ZBTB20: variants seen among roughly 807,000 people sequenced by gnomAD.
ZBTB20 encodes the protein zinc finger and BTB domain-containing protein 20.
ZBTB20 carries 9 observed loss-of-function variants against 56.9 expected under a neutral mutation model. The observed-to-expected ratio is 0.16, with a 90% CI of 0.10 to 0.28. ZBTB20 has a LOEUF of 0.28. ZBTB20 is among the 10% of genes least tolerant of loss of function. The probability of loss-of-function intolerance (pLI) is 1.00; values close to 1 mark genes in which losing one functional copy is unlikely to be tolerated. For missense variants in ZBTB20, 655 were observed against 1,003.0 expected (o/e 0.65, Z 4.69); for synonymous variants, 417 against 420.7 (o/e 0.99, Z 0.11).
chr3:114,331,103 T>TTGTGTGTG lies in ZBTB20; in HGVS notation c.*7901_*7902insCACACACA, dbSNP rs1353969072. 1 of 65,876 alleles carries TTGTGTGTG rather than the reference T, an allele frequency of 1.5e-5. No homozygotes were observed. Among genetic ancestry groups the TTGTGTGTG allele is most frequent in the Non-Finnish European group, 3.5e-5 (1 of 28,978 alleles). The allele number at this position is 65,876 out of a possible 1,614,324, so 4.1% of individuals were successfully genotyped here. On this transcript the variant is annotated 3_prime_UTR_variant, in exon 12 of 12. Coordinates refer to ENST00000675478, the MANE Select transcript of ZBTB20 (RefSeq NM_001348800.3). ...GGAAGCTTTAGTTTGAGAATAAAATTTATGTGTGTGTGTGTGTGTGTGTGT... is the reference window on the plus strand; with the variant it reads ...GGAAGCTTTAGTTTGAGAATAAAATTTGTGTGTGTATGTGTGTGTGTGTGTGTGTGTGT...
chr3:114,941,345 A>T (rs1246544149), intron 3 of ZBTB20, among the ~76,000 whole-genome samples: 1 of 146,582 alleles, frequency 6.8e-6, no homozygotes, highest in Non-Finnish European at 1.5e-5. Flanking sequence ...TAGAGTACAA[A>T]GAAGAGACTG....
chr3:114,426,983 T>C (rs951466343), intron 7 of ZBTB20, among the ~76,000 whole-genome samples: 1 of 152,242 alleles, frequency 6.6e-6, no homozygotes, highest in African/African-American at 2.4e-5. Context: ...TTAATATATA[T>C]AAAGCCATTT....
At chr3:114,726,899 G>T (rs1233716121) in intron 5 of ZBTB20, among the ~76,000 whole-genome samples, 1 of 97,856 alleles carries the variant, frequency 1.0e-5, no homozygotes, top group African/African-American at 4.0e-5. Flanking sequence ...GCAAGAGAGA[G>T]AGACTCCATC....
intron 7 of ZBTB20, among the ~76,000 whole-genome samples, chr3:114,434,644 C>T (rs573128020): frequency 6.6e-6 from 1 of 151,506 alleles, no homozygotes; most frequent in Admixed American, 6.6e-5. Context: ...TGTCTGGATC[C>T]TCAAATAATG....
intron 7 of ZBTB20, among the ~76,000 whole-genome samples, chr3:114,486,220 A>G (rs2042137631): frequency 7.4e-6 from 1 of 134,616 alleles, no homozygotes. Flanking sequence ...CTACATGTCT[A>G]AAACTTTTTT....
intron 1 of ZBTB20, among the ~76,000 whole-genome samples, chr3:115,110,805 A>C (rs547140463): frequency 6.6e-6 from 1 of 152,068 alleles, no homozygotes; most frequent in African/African-American, 2.4e-5. Context: ...CCTGGCCAAC[A>C]TGGTAAAATG....
chr3:114,778,518 A>T (rs1312309861), intron 5 of ZBTB20, among the ~76,000 whole-genome samples: 2 of 152,122 alleles, frequency 1.3e-5, no homozygotes, highest in Non-Finnish European at 2.9e-5. Context: ...CCTGAACTCT[A>T]TGATTCTTCT....
chr3:114,414,852 TAA>T (rs2088362200), intron 7 of ZBTB20, among the ~76,000 whole-genome samples: 2 of 151,452 alleles, frequency 1.3e-5, no homozygotes, highest in South Asian at 4.2e-4. Context: ...TGAGTTTTAT[TAA>T]AAGTCTAGGT....
At chr3:114,892,152 A>G (rs867106423) in intron 4 of ZBTB20, among the ~76,000 whole-genome samples, 4 of 152,198 alleles carry the variant, frequency 2.6e-5, no homozygotes, top group African/African-American at 2.4e-5. Context: ...TTTCCTGCAC[A>G]TAGTAAGTGT....
chr3:115,073,338 T>C (rs2082478853), intron 1 of ZBTB20, among the ~76,000 whole-genome samples: 1 of 152,166 alleles, frequency 6.6e-6, no homozygotes, highest in Non-Finnish European at 1.5e-5. Context: ...GTTAAAAGTG[T>C]TTTAACTTTT....
At chr3:114,956,799 A>G (rs16823416) in intron 3 of ZBTB20, among the ~76,000 whole-genome samples, 6,602 of 152,262 alleles carry the variant, frequency 0.043, 493 homozygotes, top group African/African-American at 0.15. Flanking sequence ...ATACCAAATC[A>G]TTATCGAACA....
At chr3:115,147,006 G>C (rs2085014959) in intron 1 of ZBTB20, among the ~76,000 whole-genome samples, 1 of 149,554 alleles carries the variant, frequency 6.7e-6, no homozygotes, top group African/African-American at 2.4e-5. Flanking sequence ...GGCGGGGCGG[G>C]GCGGGGCGCG....
intron 5 of ZBTB20, among the ~76,000 whole-genome samples, chr3:114,727,670 A>C (rs2065408867): frequency 1.3e-5 from 2 of 152,202 alleles, no homozygotes; most frequent in South Asian, 4.1e-4. Flanking sequence ...TTGATGGCAG[A>C]CAAAAAACAT....
At chr3:114,403,867 A>G (rs1326222318) in intron 7 of ZBTB20, among the ~76,000 whole-genome samples, 1 of 152,116 alleles carries the variant, frequency 6.6e-6, no homozygotes. Context: ...CCACGTTTGT[A>G]ATCTGTTGTG....
chr3:114,378,038 T>A (rs1395668552), intron 10 of ZBTB20, among the ~76,000 whole-genome samples: 1 of 152,206 alleles, frequency 6.6e-6, no homozygotes, highest in South Asian at 2.1e-4. Flanking sequence ...GAACTGAATA[T>A]TTTACCTTAA....
intron 2 of ZBTB20, among the ~76,000 whole-genome samples, chr3:114,982,632 A>G (rs925614284): frequency 6.6e-6 from 1 of 152,104 alleles, no homozygotes; most frequent in Admixed American, 6.6e-5. Context: ...GCAAACAGGC[A>G]GGTACCAGTG....
At chr3:114,974,080 A>G (rs2108048809) in intron 3 of ZBTB20, among the ~76,000 whole-genome samples, 1 of 151,110 alleles carries the variant, frequency 6.6e-6, no homozygotes, top group Non-Finnish European at 1.5e-5. Context: ...AAAAAAAAAA[A>G]GGAGGACAGA....
rs1017197969 is a variant in ZBTB20 at position 114,332,944 on chromosome 3, A to T, written c.*6061T>A. 1 of 152,168 alleles carries T rather than the reference A, an allele frequency of 6.6e-6. No individual in the cohort carries two copies. Among genetic ancestry groups the T allele is most frequent in the African/African-American group, 2.4e-5 (1 of 41,428 alleles). The allele number at this position is 152,168 out of a possible 1,614,324, so 9.4% of individuals were successfully genotyped here. Reference sequence around the variant, plus strand: ...AGAAAATACATAGTTCTGAAAAAGAACCCACACTAGGTAGCCCTAATTTTC... The same window carrying T: ...AGAAAATACATAGTTCTGAAAAAGATCCCACACTAGGTAGCCCTAATTTTC... On this transcript the variant is annotated 3_prime_UTR_variant, in exon 12 of 12. Coordinates refer to ENST00000675478, the MANE Select transcript of ZBTB20 (RefSeq NM_001348800.3).
chr3:114,851,082 T>C (rs937566369), intron 4 of ZBTB20, among the ~76,000 whole-genome samples: 4 of 152,174 alleles, frequency 2.6e-5, no homozygotes, highest in African/African-American at 9.7e-5. Flanking sequence ...AGAAGAAATC[T>C]GTGTGAGGGA....
Sources: allele counts gnomAD v4.1 joint callset (sites outside exome capture counted in the v4.1 genomes callset), GRCh38; gene constraint gnomAD v4.1.1; transcripts MANE v1.5; gene names NCBI Gene and HGNC (gene_info 2026-07-23, HGNC 2026-07-21).